P4HA3: variants seen among roughly 807,000 people sequenced by gnomAD.
P4HA3 encodes the protein prolyl 4-hydroxylase subunit alpha 3, also known as prolyl 4-hydroxylase subunit alpha-3.
P4HA3 carries 60 observed loss-of-function variants against 66.7 expected under a neutral mutation model. That is an observed-to-expected ratio of 0.90 (90% confidence interval 0.73 to 1.12). The LOEUF (loss-of-function observed/expected upper bound fraction) is 1.12, where lower values mean the gene tolerates loss of function less well. P4HA3 is among the 50% of genes most tolerant of loss of function. P4HA3 has a pLI of 0.00. For synonymous variants in P4HA3, 263 were observed against 274.6 expected, an observed-to-expected ratio of 0.96 and a Z score of 0.42; for missense variants, 683 against 685.8, an observed-to-expected ratio of 1.00 and a Z score of 0.05.
At chr11:74,273,442 G>A (rs922021985) in intron 10 of P4HA3, 103 bp downstream of exon 10, 22 of 1,050,488 alleles carry the variant, frequency 2.1e-5, no homozygotes, top group African/African-American at 1.2e-4. Flanking sequence ...AGATTTTTGC[G>A]CTGAGTACCA....
chr11:74,268,709 G>A (rs1042987299), intron 11 of P4HA3, among the ~76,000 whole-genome samples: 3 of 152,190 alleles, frequency 2.0e-5, no homozygotes, highest in African/African-American at 7.2e-5. Context: ...GGAGCAGGCA[G>A]TATCATAATC....
rs540058247 is a variant in P4HA3, at chr11:74,294,304, C to T, written c.717+3908G>A. On this transcript the variant is annotated intron_variant, in intron 4 of 12. Transcript: ENST00000331597. ...CCTTGGTTTTCAGCTCCATCAGGTC[C>T]TTTAAGGACTTCTCTGCATTGGTTA... is the stretch of plus-strand genomic sequence containing the variant. Among the ~76,000 whole-genome samples the T allele has an allele frequency of 9.2e-5, 14 of 152,306 alleles. No homozygotes were observed. In the East Asian group the frequency reaches 1.5e-3, roughly 17 times the overall value.
At chr11:74,279,135 A>AT (rs1860502557) in intron 8 of P4HA3, among the ~76,000 whole-genome samples, 1 of 152,160 alleles carries the variant, frequency 6.6e-6, no homozygotes, top group Non-Finnish European at 1.5e-5. Flanking sequence ...CTATAGACAT[A>AT]TTTTTTGGTT....
At chr11:74,294,507 G>C (rs995480553) in intron 4 of P4HA3, among the ~76,000 whole-genome samples, 1 of 152,172 alleles carries the variant, frequency 6.6e-6, no homozygotes, top group Non-Finnish European at 1.5e-5. Flanking sequence ...TGTTCCTTTG[G>C]AGGAGGAAAG....
chr11:74,300,317 T>C lies in P4HA3; in HGVS notation c.568-1956A>G, dbSNP rs531891550. On this transcript the variant is annotated intron_variant, in intron 3 of 12. Transcript: ENST00000331597. ...GTCAACAGACACAATAGCACGATGA[T>C]GGAATTAGACAATTAAGAATTTCAG... 7.2e-5 allele frequency among the ~76,000 whole-genome samples: 11 copies of C among 152,294 alleles called. No homozygotes were observed. In the East Asian group the frequency reaches 9.6e-4, roughly 13 times the overall value.
chr11:74,270,909 T>C (rs1007712053), intron 10 of P4HA3, among the ~76,000 whole-genome samples: 1 of 152,262 alleles, frequency 6.6e-6, no homozygotes, highest in Non-Finnish European at 1.5e-5. Flanking sequence ...TTTTGGATTG[T>C]TTTCATAGGA....
At chr11:74,278,315 C>A (rs535514387) in intron 8 of P4HA3, among the ~76,000 whole-genome samples, 1 of 152,054 alleles carries the variant, frequency 6.6e-6, no homozygotes, top group Non-Finnish European at 1.5e-5. Flanking sequence ...GAAGAAGTAA[C>A]GGGAGATACA....
At position 74,304,375 on chromosome 11, in the gene P4HA3, T is replaced by C. The variant is rs373013756; in HGVS notation, c.238A>G (p.Thr80Ala). 7.4e-6 allele frequency: 12 copies of C among 1,613,988 alleles called. No homozygotes were observed. In the African/African-American group the frequency reaches 1.2e-4, roughly 16 times the overall value. The change falls in exon 2 of 13, where the codon ACA (threonine) becomes GCA (alanine). Residue 80 changes from threonine (T) to alanine (A), a missense_variant. Transcript: ENST00000331597. ...DKVLSLHEDSTTPVANPLLAF... is the reference protein window; with the variant it reads ...DKVLSLHEDSATPVANPLLAF... The stretch of plus-strand genomic sequence containing the variant: ...AGCAGAGGGTTAGCCACAGGGGTTG[T>C]TGAATCCTCATGCAAAGAAAGTACC...
At chr11:74,287,292 C>A in intron 5 of P4HA3, 1 of 1,289,406 alleles carries the variant, frequency 7.8e-7, no homozygotes, top group South Asian at 1.2e-5. Flanking sequence ...AACCATCACC[C>A]TGGCAAAGGA....
downstream of P4HA3, among the ~76,000 whole-genome samples, chr11:74,265,821 A>T (rs1469843320): frequency 1.3e-5 from 2 of 152,216 alleles, no homozygotes; most frequent in African/African-American, 4.8e-5. Flanking sequence ...ATTGAAATTC[A>T]GTGACCTGAG....
Position 74,273,604 on chromosome 11 carries a change from G to A in P4HA3, c.1339C>T (p.Pro447Ser). The change falls in exon 10 of 13, where the codon CCA becomes TCA. Residue 447 changes from proline (P) to serine (S), a missense_variant. By Grantham distance (74) the Pro-to-Ser change is moderately conservative. Coordinates refer to ENST00000331597, the MANE Select transcript of P4HA3 (RefSeq NM_182904.5). ...YEPHFDHATS[P>S]SSPLYRMKSG... ...TTCATTCTGTAGAGGGGGCTGCTTG[G>A]TGACTGAGAAAAAAAAAAACAGAAC... The A allele has an allele frequency of 1.3e-6, 2 of 1,555,886 alleles. No individual in the cohort carries two copies. Among genetic ancestry groups the A allele is most frequent in the South Asian group, 2.5e-5 (2 of 80,380 alleles).
At chr11:74,297,367 G>A (rs1861256752) in intron 4 of P4HA3, among the ~76,000 whole-genome samples, 1 of 152,074 alleles carries the variant, frequency 6.6e-6, no homozygotes, top group Admixed American at 6.5e-5. Flanking sequence ...CATGGGTTTG[G>A]AGCACCCACA....
chr11:74,305,114 G>T (rs76315846), intron 1 of P4HA3, among the ~76,000 whole-genome samples: 6,039 of 152,092 alleles, frequency 0.04, 125 homozygotes, highest in Middle Eastern at 0.1. Context: ...CCTCCTAACA[G>T]GCCATGGACT....
rs759402468 is a variant in P4HA3, at chr11:74,285,814, G to T, written c.1105C>A (p.Pro369Thr). ...CGGGTTCTCAGGACACTCACCCATG[G>T]TTCTGCAAGTTCTCTAATTTTCTGA... ...EAQKIRELAE[P>T]WLQRSVVASG... The change falls in exon 7 of 13, where the codon CCA (proline) becomes ACA (threonine). Residue 369 changes from proline (P) to threonine (T), a missense_variant. Coordinates refer to ENST00000331597, the MANE Select transcript of P4HA3 (RefSeq NM_182904.5). The T allele has an allele frequency of 6.2e-7, 1 of 1,613,690 alleles. No homozygotes were observed. Among genetic ancestry groups the T allele is most frequent in the Non-Finnish European group, 8.5e-7 (1 of 1,179,774 alleles).
chr11:74,277,418 C>T (rs1198407925), intron 8 of P4HA3, among the ~76,000 whole-genome samples: 1 of 152,172 alleles, frequency 6.6e-6, no homozygotes, highest in Non-Finnish European at 1.5e-5. Context: ...GCCTTCAAAG[C>T]TGCTATGGTG....
intron 5 of P4HA3, 56 bp from the exon 6 acceptor site, chr11:74,286,447 G>T: frequency 6.9e-7 from 1 of 1,456,168 alleles, no homozygotes; most frequent in Non-Finnish European, 9.1e-7. Context: ...ACTGGCCCCA[G>T]GGAGTGCCAC....
chr11:74,264,879 T>C (rs2135699137), downstream of P4HA3, among the ~76,000 whole-genome samples: 1 of 152,314 alleles, frequency 6.6e-6, no homozygotes. Flanking sequence ...GGATTACTCA[T>C]TAAGCAGTTA....
chr11:74,301,188 A>G (rs1861396021), intron 3 of P4HA3, among the ~76,000 whole-genome samples: 1 of 152,122 alleles, frequency 6.6e-6, no homozygotes, highest in African/African-American at 2.4e-5. Flanking sequence ...ATTTGAACAT[A>G]TATTCATTAC....
At chr11:74,279,933 T>C (rs1428883134) in intron 7 of P4HA3, among the ~76,000 whole-genome samples, 1 of 152,214 alleles carries the variant, frequency 6.6e-6, no homozygotes, top group East Asian at 1.9e-4. Context: ...CTTTTGAATA[T>C]TCTAATGAAA....
Sources: gnomAD v4.1 joint callset for allele counts (sites outside exome capture counted in the v4.1 genomes callset) on GRCh38, gnomAD v4.1.1 for gene constraint, MANE v1.5 for transcripts, NCBI Gene and HGNC (gene_info 2026-07-23, HGNC 2026-07-21) for gene names.